Variants in ZNRF1 observed in about 807,000 individuals in gnomAD.
The protein encoded by ZNRF1 is E3 ubiquitin-protein ligase ZNRF1.
In ZNRF1, 3 loss-of-function variants were observed where a neutral mutation model predicts 18.4. The observed-to-expected ratio is 0.16, with a 90% CI of 0.07 to 0.42. ZNRF1 has a LOEUF of 0.42. ZNRF1 is among the 10% of genes least tolerant of loss of function. The probability of loss-of-function intolerance (pLI) is 0.99; values close to 1 mark genes in which losing one functional copy is unlikely to be tolerated. For synonymous variants in ZNRF1, 157 were observed against 144.2 expected (o/e 1.09, Z -0.64); for missense variants, 310 against 329.8 (o/e 0.94, Z 0.47).
At chr16:75,091,519 A>C (rs2036139656) in intron 1 of ZNRF1, among the ~76,000 whole-genome samples, 1 of 150,448 alleles carries the variant, frequency 6.6e-6, no homozygotes, top group African/African-American at 2.4e-5. Flanking sequence ...CACAGTCAAA[A>C]ATCTGCATAT....
chr16:75,019,034 C>T (rs1184429051), intron 1 of ZNRF1, among the ~76,000 whole-genome samples: 1 of 151,948 alleles, frequency 6.6e-6, no homozygotes. Flanking sequence ...GGCGTGGTGG[C>T]GCGTGACTGT....
At chr16:75,006,434 T>A (rs193180549) in intron 1 of ZNRF1, among the ~76,000 whole-genome samples, 64 of 152,152 alleles carry the variant, frequency 4.2e-4, no homozygotes, top group South Asian at 8.3e-4. Flanking sequence ...TCAGTTTGTT[T>A]GTTTGTTTGT....
At position 75,019,082 on chromosome 16, in the gene ZNRF1, C is replaced by A. The variant is rs372269740; in HGVS notation, c.424+18987C>A. Among the ~76,000 whole-genome samples, 12 of 152,284 alleles carry A rather than the reference C, an allele frequency of 7.9e-5. 2 individuals are homozygous for A. The highest frequency in any genetic ancestry group is 7.7e-4 in the East Asian group (4 of 5,184). ...TCAGGAGGTTGAGGCAGGATGACTG[C>A]TTGAACCCAGGAGGCGGAGGTTGCA... On this transcript the variant is annotated intron_variant, in intron 1 of 4. Transcript: ENST00000335325.
chr16:75,043,863 C>T (rs2035482015), intron 1 of ZNRF1, among the ~76,000 whole-genome samples: 1 of 142,182 alleles, frequency 7.0e-6, no homozygotes, highest in South Asian at 2.2e-4. Flanking sequence ...GATCTCTGCT[C>T]ACTGCAACCT....
At chr16:75,090,007 G>A (rs373729253) in intron 1 of ZNRF1, among the ~76,000 whole-genome samples, 3 of 152,266 alleles carry the variant, frequency 2.0e-5, no homozygotes, top group East Asian at 3.9e-4. Context: ...AGAGTGTCAG[G>A]GCCTGGAGGC....
chr16:75,050,870 C>CAAAAAAAAAAA (rs1165011147), intron 1 of ZNRF1, among the ~76,000 whole-genome samples: 3 of 9,244 alleles, frequency 3.2e-4, no homozygotes, highest in African/African-American at 6.1e-4. Context: ...GACTCCGTCT[C>CAAAAAAAAAAA]AAAAAAAAAA....
intron 4 of ZNRF1, chr16:75,107,489 G>C (rs2036331467): frequency 3.1e-6 from 1 of 327,118 alleles, no homozygotes. Flanking sequence ...AGGGACATTT[G>C]CTCTTTTTAC....
At chr16:75,105,009 A>T in intron 3 of ZNRF1, 120 bp downstream of exon 3, 1 of 815,966 alleles carries the variant, frequency 1.2e-6, no homozygotes, top group Non-Finnish European at 2.0e-6. Context: ...TCTGGCTCCG[A>T]GCGGGTAAGG....
At chr16:75,010,299 T>G (rs1224421580) in intron 1 of ZNRF1, among the ~76,000 whole-genome samples, 1 of 152,160 alleles carries the variant, frequency 6.6e-6, no homozygotes, top group Non-Finnish European at 1.5e-5. Flanking sequence ...GCTTTTTTCT[T>G]TCGTTGTTGA....
chr16:75,101,861 A>G (rs776507296), intron 2 of ZNRF1, among the ~76,000 whole-genome samples: 2 of 152,210 alleles, frequency 1.3e-5, no homozygotes, highest in African/African-American at 2.4e-5. Flanking sequence ...AGTGCTTTCA[A>G]GCAGGGGGAT....
chr16:75,017,075 T>A (rs921016111), intron 1 of ZNRF1, among the ~76,000 whole-genome samples: 1 of 152,196 alleles, frequency 6.6e-6, no homozygotes, highest in African/African-American at 2.4e-5. Context: ...CCTACTATAT[T>A]GCACAAACAA....
At chr16:75,040,598 G>GGT (rs377309192) in intron 1 of ZNRF1, among the ~76,000 whole-genome samples, 1 of 46,386 alleles carries the variant, frequency 2.2e-5, no homozygotes, top group Admixed American at 3.8e-4. Flanking sequence ...TTTTTTGTGG[G>GGT]TTTTTTTTTT....
intron 4 of ZNRF1, 184 bp from the exon 5 acceptor site, chr16:75,107,549 G>A (rs2036332578): frequency 2.8e-6 from 1 of 353,954 alleles, no homozygotes; most frequent in Admixed American, 3.6e-5. Flanking sequence ...CCAGGGGGGA[G>A]AGTGAGGCAG....
intron 1 of ZNRF1, among the ~76,000 whole-genome samples, chr16:75,015,910 G>A (rs2035059676): frequency 1.3e-5 from 2 of 149,692 alleles, no homozygotes; most frequent in Admixed American, 6.7e-5. Flanking sequence ...GTGCTAATAC[G>A]CTTTTCTTTT....
At chr16:75,058,437 C>T (rs1178155948) in intron 1 of ZNRF1, among the ~76,000 whole-genome samples, 2 of 152,166 alleles carry the variant, frequency 1.3e-5, no homozygotes, top group Non-Finnish European at 2.9e-5. Flanking sequence ...AGGATTATTT[C>T]CCCAAACCTG....
At chr16:75,044,601 A>G (rs2035490724) in intron 1 of ZNRF1, among the ~76,000 whole-genome samples, 1 of 151,824 alleles carries the variant, frequency 6.6e-6, no homozygotes, top group Non-Finnish European at 1.5e-5. Context: ...CCTGGCCTCA[A>G]GCGATCCTCC....
At chr16:75,030,381 G>T (rs60859385) in intron 1 of ZNRF1, among the ~76,000 whole-genome samples, 1,575 of 151,758 alleles carry the variant, frequency 0.01, 32 homozygotes, top group African/African-American at 0.036. Context: ...ATTCCAAATG[G>T]ATCAAAGACC....
At chr16:75,080,347 G>A (rs2035994872) in intron 1 of ZNRF1, among the ~76,000 whole-genome samples, 1 of 152,236 alleles carries the variant, frequency 6.6e-6, no homozygotes, top group Non-Finnish European at 1.5e-5. Flanking sequence ...ATCAACTGAT[G>A]TAAGTTATAC....
chr16:75,051,147 G>A (rs1341810472), intron 1 of ZNRF1, among the ~76,000 whole-genome samples: 1 of 151,992 alleles, frequency 6.6e-6, no homozygotes, highest in Non-Finnish European at 1.5e-5. Flanking sequence ...GCTGCAGTGA[G>A]CTATGATTGC....
Sources: allele counts gnomAD v4.1 joint callset (sites outside exome capture counted in the v4.1 genomes callset), GRCh38; gene constraint gnomAD v4.1.1; transcripts MANE v1.5; gene names NCBI Gene and HGNC (gene_info 2026-07-23, HGNC 2026-07-21).